IGSF10: variants seen among roughly 807,000 people sequenced by gnomAD.
IGSF10 encodes calvaria mechanical force protein 608.
A neutral mutation model predicts 128.2 loss-of-function variants in IGSF10; 126 were observed. The observed-to-expected ratio is 0.98, with a 90% confidence interval of 0.85 to 1.14. The LOEUF (loss-of-function observed/expected upper bound fraction) is 1.14, where lower values mean the gene tolerates loss of function less well. Among genes scored for constraint, IGSF10 ranks in the 50% most tolerant of loss-of-function variants. The probability of loss-of-function intolerance (pLI) is 0.00; values close to 1 mark genes in which losing one functional copy is unlikely to be tolerated. For synonymous variants in IGSF10, 1,185 were observed against 1,146.2 expected, an observed-to-expected ratio of 1.03 and a Z score of -0.68; for missense variants, 3,295 against 3,149.8, an observed-to-expected ratio of 1.05 and a Z score of -1.10.
the IGSF10 span, among the ~76,000 whole-genome samples, chr3:151,490,199 T>C: frequency 6.6e-6 from 1 of 152,324 alleles, no homozygotes; most frequent in African/African-American, 2.4e-5. Flanking sequence ...TAGAAGAAGA[T>C]AGTCCATGCA....
chr3:151,566,490 C>T, the IGSF10 span, among the ~76,000 whole-genome samples: 23 of 152,286 alleles, frequency 1.5e-4, no homozygotes, highest in South Asian at 4.8e-3. Flanking sequence ...CTTCTGACAA[C>T]CCATGTGTTG....
chr3:151,595,016 C>G, the IGSF10 span, among the ~76,000 whole-genome samples: 4 of 151,874 alleles, frequency 2.6e-5, no homozygotes, highest in Admixed American at 2.6e-4. Flanking sequence ...TGAAAATGTA[C>G]TCAACATCAG....
At chr3:151,503,223 A>G in the IGSF10 span, among the ~76,000 whole-genome samples, 4 of 152,172 alleles carry the variant, frequency 2.6e-5, no homozygotes, top group South Asian at 8.3e-4. Context: ...TACAATGACC[A>G]GTATACTGTC....
chr3:151,577,567 A>T, the IGSF10 span, among the ~76,000 whole-genome samples: 11 of 152,160 alleles, frequency 7.2e-5, no homozygotes, highest in Non-Finnish European at 1.6e-4. Flanking sequence ...AGTTTTAAAA[A>T]CTACATATCA....
At chr3:151,499,398 C>T in the IGSF10 span, among the ~76,000 whole-genome samples, 3 of 152,102 alleles carry the variant, frequency 2.0e-5, no homozygotes, top group African/African-American at 7.2e-5. Flanking sequence ...TGGCATTACA[C>T]AGTAAATCTT....
the IGSF10 span, among the ~76,000 whole-genome samples, chr3:151,586,746 C>T: frequency 4.4e-3 from 671 of 152,168 alleles, 6 homozygotes; most frequent in African/African-American, 0.015. Flanking sequence ...GTTTTCTGAC[C>T]AGTAAAGTGC....
rs762493707 is a variant in IGSF10, at chr3:151,447,901, G to T, written c.2080C>A (p.Pro694Thr). 1.2e-6 allele frequency: 2 copies of T among 1,614,046 alleles called. No individual in the cohort carries two copies. The highest frequency in any genetic ancestry group is 1.1e-5 in the South Asian group (1 of 91,068). ...SNPIAHLKEP[P>T]GAQLRTSALM... ...GCAGATGTACGGAGTTGTGCACCTG[G>T]TGGCTCCTTAAGATGAGCAATAGGA... is the stretch of plus-strand genomic sequence containing the variant. The change falls in exon 6 of 8, where the codon CCA becomes ACA. Residue 694 changes from proline to threonine, a missense_variant. Physicochemically the swap from Pro to Thr is conservative, Grantham distance 38 (BLOSUM62 -1). Coordinates refer to ENST00000282466, the MANE Select transcript of IGSF10 (RefSeq NM_178822.5).
the IGSF10 span, among the ~76,000 whole-genome samples, chr3:151,496,137 A>G: frequency 1.3e-5 from 2 of 152,074 alleles, no homozygotes; most frequent in Non-Finnish European, 1.5e-5. Flanking sequence ...TTGTATGTAC[A>G]CGTGGTTTCA....
downstream of IGSF10, chr3:151,433,068 C>G: frequency 2.8e-6 from 1 of 355,784 alleles, no homozygotes. Context: ...GAAGAGTGTG[C>G]TAGCAGACCT....
the IGSF10 span, among the ~76,000 whole-genome samples, chr3:151,510,234 C>T: frequency 1.3e-5 from 2 of 152,302 alleles, no homozygotes; most frequent in Non-Finnish European, 2.9e-5. Flanking sequence ...CCAGTAGGGG[C>T]GGACTGACAC....
At chr3:151,617,311 TTCTTCTTCC>T in the IGSF10 span, among the ~76,000 whole-genome samples, 750 of 125,360 alleles carry the variant, frequency 6.0e-3, 28 homozygotes, top group African/African-American at 0.011. Context: ...CTTCTTCTTC[TTCTTCTTCC>T]CCTCCTCCTC....
chr3:151,474,352 G>A, the IGSF10 span, among the ~76,000 whole-genome samples: 45,102 of 152,022 alleles, frequency 0.3, 7,371 homozygotes, highest in Middle Eastern at 0.38. Context: ...AGGAACCCAT[G>A]ATGTGTTTAC....
chr3:151,436,814 G>T lies in IGSF10; in HGVS notation c.7747C>A (p.Gln2583Lys), dbSNP rs1720297640. 3 of 1,613,842 alleles carry T rather than the reference G, an allele frequency of 1.9e-6. No individual in the cohort carries two copies. Among genetic ancestry groups the T allele is most frequent in the Non-Finnish European group, 1.7e-6 (2 of 1,179,700 alleles). Residue 2583 changes from glutamine to lysine, a missense_variant, in exon 8 of 8, where the codon CAG becomes AAG. Gln to Lys is a moderately conservative substitution (Grantham distance 53, BLOSUM62 1). Transcript: ENST00000282466. ...ASKERTHGSE[Q>K]LHLQGTLVIQ... The stretch of plus-strand genomic sequence containing the variant: ...ACTAGGGTACCTTGTAAGTGAAGCT[G>T]CTCACTTCCATGTGTCCTCTCTTTA...
At chr3:151,511,444 C>G in the IGSF10 span, among the ~76,000 whole-genome samples, 2 of 152,156 alleles carry the variant, frequency 1.3e-5, no homozygotes, top group Non-Finnish European at 2.9e-5. Flanking sequence ...CAGGCCTGCC[C>G]TAAAAGAGCT....
At position 151,457,799 on chromosome 3, in the gene IGSF10, A is replaced by T. The variant is rs916105465; in HGVS notation, c.195-644T>A. On this transcript the variant is annotated intron_variant, in intron 3 of 7. Coordinates refer to ENST00000282466, the MANE Select transcript of IGSF10 (RefSeq NM_178822.5). ...TTAATGTTAGCTCTTAATATTAGTG[A>T]CTGTCTCTAAAACACTTTGTATGCT... Among the ~76,000 whole-genome samples, 5 of 152,316 alleles carry T rather than the reference A, an allele frequency of 3.3e-5. No homozygotes were observed. The South Asian group carries it at 1.0e-3, about 32-fold the overall frequency.
chr3:151,582,698 A>G, the IGSF10 span, among the ~76,000 whole-genome samples: 1 of 152,164 alleles, frequency 6.6e-6, no homozygotes, highest in Non-Finnish European at 1.5e-5. Context: ...CTATCTATCT[A>G]TCTATCTATC....
the IGSF10 span, among the ~76,000 whole-genome samples, chr3:151,562,676 C>T: frequency 5.6e-3 from 846 of 152,124 alleles, 18 homozygotes; most frequent in East Asian, 0.072. Context: ...CTTGTTAGTA[C>T]CAATGTCCAG....
chr3:151,489,561 T>G, the IGSF10 span, among the ~76,000 whole-genome samples: 1 of 152,162 alleles, frequency 6.6e-6, no homozygotes, highest in Middle Eastern at 3.4e-3. Flanking sequence ...AGCAAAGACT[T>G]AGAACCAACC....
chr3:151,441,881 G>T (rs1720873413), intron 7 of IGSF10, among the ~76,000 whole-genome samples: 1 of 152,114 alleles, frequency 6.6e-6, no homozygotes, highest in Non-Finnish European at 1.5e-5. Context: ...CTAACATGGT[G>T]AAACTCCGTC....
Sources: gnomAD v4.1 joint callset for allele counts (sites outside exome capture counted in the v4.1 genomes callset) on GRCh38, gnomAD v4.1.1 for gene constraint, MANE v1.5 for transcripts, NCBI Gene and HGNC (gene_info 2026-07-23, HGNC 2026-07-21) for gene names.